Variants in DYM observed in about 807,000 individuals in gnomAD.
DYM encodes the protein dyggve-Melchior-Clausen syndrome protein.
A neutral mutation model predicts 93.1 loss-of-function variants in DYM; 78 were observed. That is an observed-to-expected ratio of 0.84 (90% CI 0.70 to 1.01). The LOEUF (loss-of-function observed/expected upper bound fraction) is 1.01. Ranked by LOEUF, DYM falls within the 50% of genes least tolerant of loss-of-function variation. The probability of loss-of-function intolerance (pLI) is 0.00; values close to 1 mark genes in which losing one functional copy is unlikely to be tolerated. For synonymous variants in DYM, 321 were observed against 319.7 expected (o/e 1.00, Z -0.04); for missense variants, 789 against 845.0 (o/e 0.93, Z 0.82).
At chr18:49,386,704 G>C (rs2068658766) in intron 3 of DYM, among the ~76,000 whole-genome samples, 1 of 152,190 alleles carries the variant, frequency 6.6e-6, no homozygotes, top group South Asian at 2.1e-4. Context: ...GGCAGATTAG[G>C]AGAAAGTTAG....
chr18:49,277,980 G>T (rs2094886245), intron 10 of DYM, among the ~76,000 whole-genome samples: 1 of 152,182 alleles, frequency 6.6e-6, no homozygotes, highest in Non-Finnish European at 1.5e-5. Flanking sequence ...TGCTGATGAG[G>T]AAGTTGTAGG....
intron 2 of DYM, among the ~76,000 whole-genome samples, chr18:49,392,371 T>C (rs557516336): frequency 2.0e-5 from 3 of 152,224 alleles, no homozygotes; most frequent in South Asian, 2.1e-4. Flanking sequence ...ATTAAAAACT[T>C]CTGTGGATCA....
At chr18:49,232,916 G>A (rs149806506) in intron 13 of DYM, among the ~76,000 whole-genome samples, 269 of 152,030 alleles carry the variant, frequency 1.8e-3, no homozygotes, top group Non-Finnish European at 3.1e-3. Context: ...GCCTGAAACG[G>A]AATTTCTTAT....
chr18:49,231,919 G>C (rs1272964510), intron 13 of DYM, among the ~76,000 whole-genome samples: 1 of 152,146 alleles, frequency 6.6e-6, no homozygotes, highest in Non-Finnish European at 1.5e-5. Context: ...TTTTACTTCT[G>C]CAGGCAAGAA....
intron 8 of DYM, among the ~76,000 whole-genome samples, chr18:49,307,610 C>T (rs2061345360): frequency 6.6e-6 from 1 of 152,108 alleles, no homozygotes. Context: ...TGAGTAAAAC[C>T]TTTGCAGTGC....
chr18:49,197,378 A>G (rs888885606), intron 14 of DYM, among the ~76,000 whole-genome samples: 1 of 152,198 alleles, frequency 6.6e-6, no homozygotes, highest in African/African-American at 2.4e-5. Context: ...GAAGAAAGCC[A>G]GGAGTATGCT....
intron 17 of DYM, among the ~76,000 whole-genome samples, chr18:49,085,920 T>C (rs1442275933): frequency 6.6e-6 from 1 of 152,196 alleles, no homozygotes; most frequent in Non-Finnish European, 1.5e-5. Flanking sequence ...TTCTATTTTT[T>C]TAAGCACCAC....
At chr18:49,213,022 A>T (rs2092859042) in intron 13 of DYM, among the ~76,000 whole-genome samples, 1 of 152,190 alleles carries the variant, frequency 6.6e-6, no homozygotes, top group Non-Finnish European at 1.5e-5. Context: ...TTACTTTCAC[A>T]AAAATAAAAT....
chr18:49,064,916 A>T (rs2076267629), intron 17 of DYM, among the ~76,000 whole-genome samples: 1 of 150,938 alleles, frequency 6.6e-6, no homozygotes, highest in African/African-American at 2.4e-5. Flanking sequence ...ATGACTAAAC[A>T]TTGTCTCTTA....
chr18:49,460,102 T>A (rs879381946), intron 1 of DYM, among the ~76,000 whole-genome samples: 1 of 152,224 alleles, frequency 6.6e-6, no homozygotes, highest in Non-Finnish European at 1.5e-5. Context: ...TTGCTCACCC[T>A]GCCCATCACA....
At chr18:49,144,328 A>G (rs1275344182) in intron 15 of DYM, among the ~76,000 whole-genome samples, 3 of 151,442 alleles carry the variant, frequency 2.0e-5, no homozygotes, top group Admixed American at 6.6e-5. Flanking sequence ...TTGCAAGACT[A>G]CTTCATAGAT....
intron 13 of DYM, among the ~76,000 whole-genome samples, chr18:49,230,898 ATAAG>A (rs1315027588): frequency 3.7e-4 from 57 of 152,228 alleles, no homozygotes; most frequent in Non-Finnish European, 6.9e-4. Flanking sequence ...ATATGTAGAA[ATAAG>A]TAAAAGGCAA....
intron 14 of DYM, among the ~76,000 whole-genome samples, chr18:49,198,674 T>G (rs1600558049): frequency 2.0e-5 from 3 of 150,824 alleles, no homozygotes; most frequent in South Asian, 4.2e-4. Context: ...AAAACCACAA[T>G]GAGATACCAT....
chr18:49,232,369 C>T (rs192522949), intron 13 of DYM, among the ~76,000 whole-genome samples: 25 of 148,414 alleles, frequency 1.7e-4, no homozygotes, highest in East Asian at 4.0e-4. Flanking sequence ...TGCAGTGGCG[C>T]GATCTCGGCT....
intron 17 of DYM, among the ~76,000 whole-genome samples, chr18:49,053,710 G>C (rs1054152316): frequency 6.6e-6 from 1 of 152,168 alleles, no homozygotes; most frequent in Non-Finnish European, 1.5e-5. Flanking sequence ...AATTCTGGGG[G>C]TGAAGGATAA....
intron 8 of DYM, among the ~76,000 whole-genome samples, chr18:49,294,984 T>C (rs2060430053): frequency 6.6e-6 from 1 of 152,126 alleles, no homozygotes; most frequent in East Asian, 1.9e-4. Flanking sequence ...AGGCTAACGG[T>C]CAATAGACAC....
intron 8 of DYM, among the ~76,000 whole-genome samples, chr18:49,291,046 T>A (rs2060078091): frequency 6.6e-6 from 1 of 152,178 alleles, no homozygotes; most frequent in South Asian, 2.1e-4. Context: ...GGAAAAATCA[T>A]CAACATGTTA....
At chr18:49,249,984 A>G (rs1034066482) in intron 13 of DYM, among the ~76,000 whole-genome samples, 3 of 152,244 alleles carry the variant, frequency 2.0e-5, no homozygotes, top group African/African-American at 7.2e-5. Context: ...GTGAAAACCC[A>G]GAAAGCTTTC....
At chr18:49,453,811 T>C (rs2082738268) in intron 1 of DYM, among the ~76,000 whole-genome samples, 1 of 152,230 alleles carries the variant, frequency 6.6e-6, no homozygotes, top group Non-Finnish European at 1.5e-5. Flanking sequence ...TGTCACACCC[T>C]GGCTATGCAA....
Sources: allele counts gnomAD v4.1 joint callset (sites outside exome capture counted in the v4.1 genomes callset), GRCh38; gene constraint gnomAD v4.1.1; transcripts MANE v1.5; gene names NCBI Gene and HGNC (gene_info 2026-07-23, HGNC 2026-07-21).